Variants in PRICKLE2 observed in about 807,000 individuals in gnomAD.
PRICKLE2 encodes the protein prickle planar cell polarity protein 2, also known as prickle-like protein 2.
A neutral mutation model predicts 81.4 loss-of-function variants in PRICKLE2; 21 were observed. The ratio of observed to expected loss-of-function variants is 0.26; its 90% CI spans 0.18 to 0.37. PRICKLE2 has a LOEUF of 0.37. Ranked by LOEUF, PRICKLE2 falls within the 10% of genes least tolerant of loss-of-function variation. PRICKLE2 has a pLI of 1.00. For missense variants in PRICKLE2, 940 were observed against 1,109.0 expected (o/e 0.85, Z 2.16); for synonymous variants, 456 against 421.5 (o/e 1.08, Z -1.00).
chr3:64,110,771 G>A (rs1285005308), intron 7 of PRICKLE2, among the ~76,000 whole-genome samples: 1 of 151,972 alleles, frequency 6.6e-6, no homozygotes, highest in Non-Finnish European at 1.5e-5. Flanking sequence ...TGAGCAAGGA[G>A]GACAGCAGCA....
chr3:64,252,406 C>T (rs563376728), intron 2 of PRICKLE2, among the ~76,000 whole-genome samples: 2 of 152,308 alleles, frequency 1.3e-5, no homozygotes, highest in East Asian at 3.9e-4. Flanking sequence ...CTCTACATCC[C>T]TTGGGTGAAC....
intron 2 of PRICKLE2, among the ~76,000 whole-genome samples, chr3:64,189,767 T>C (rs2078298716): frequency 6.6e-6 from 1 of 152,190 alleles, no homozygotes; most frequent in African/African-American, 2.4e-5. Flanking sequence ...GACTCACATT[T>C]TGGAAGGTAG....
intron 7 of PRICKLE2, chr3:64,146,520 G>T (rs1372068992): frequency 6.1e-6 from 2 of 327,182 alleles, no homozygotes. Flanking sequence ...GAGGCAGGTG[G>T]ATCACGAGGT....
intron 7 of PRICKLE2, among the ~76,000 whole-genome samples, chr3:64,132,323 CT>C: frequency 6.6e-6 from 1 of 152,302 alleles, no homozygotes; most frequent in South Asian, 2.1e-4. Context: ...CTCTCTTGCT[CT>C]CTGGCTGCTG....
chr3:64,262,028 C>T (rs1338155526), intron 2 of PRICKLE2, among the ~76,000 whole-genome samples: 1 of 152,152 alleles, frequency 6.6e-6, no homozygotes, highest in African/African-American at 2.4e-5. Flanking sequence ...ATATTTTTTA[C>T]AGAGGTGTGA....
intron 2 of PRICKLE2, among the ~76,000 whole-genome samples, chr3:64,236,516 G>A (rs747630933): frequency 2.6e-5 from 4 of 152,192 alleles, no homozygotes; most frequent in Non-Finnish European, 5.9e-5. Context: ...AAAAGAGAAT[G>A]AGGAATGTAA....
intron 7 of PRICKLE2, among the ~76,000 whole-genome samples, chr3:64,109,913 T>C (rs1455965452): frequency 2.6e-5 from 4 of 152,192 alleles, no homozygotes; most frequent in East Asian, 1.9e-4. Flanking sequence ...AACTTGAGTG[T>C]GGATTGGAGG....
At chr3:64,192,162 G>T (rs2078355302) in intron 2 of PRICKLE2, among the ~76,000 whole-genome samples, 1 of 152,166 alleles carries the variant, frequency 6.6e-6, no homozygotes, top group South Asian at 2.1e-4. Context: ...AATGCCAAAG[G>T]CTTTTATCTC....
intron 5 of PRICKLE2, chr3:64,153,660 A>G: frequency 5.2e-6 from 2 of 387,084 alleles, no homozygotes; most frequent in South Asian, 5.4e-5. Context: ...AGGATCAAAA[A>G]CTGACAGCTC....
At chr3:64,117,563 A>G (rs1235451999) in intron 7 of PRICKLE2, among the ~76,000 whole-genome samples, 1 of 152,182 alleles carries the variant, frequency 6.6e-6, no homozygotes, top group African/African-American at 2.4e-5. Context: ...AACAATAGTC[A>G]AGCCAAAAGC....
chr3:64,129,165 T>C (rs112632045), intron 7 of PRICKLE2, among the ~76,000 whole-genome samples: 5 of 151,916 alleles, frequency 3.3e-5, no homozygotes, highest in African/African-American at 9.6e-5. Context: ...TGGTTAAAAA[T>C]ACAAGACTCA....
intron 2 of PRICKLE2, among the ~76,000 whole-genome samples, chr3:64,266,960 A>ACT (rs5849584): frequency 0.91 from 138,143 of 151,192 alleles, 63,332 homozygotes; most frequent in East Asian, 1. Context: ...AAAAAAGTAA[A>ACT]CTGACCCTCT....
intron 2 of PRICKLE2, among the ~76,000 whole-genome samples, chr3:64,239,741 T>C (rs2079234211): frequency 1.3e-5 from 2 of 151,954 alleles, no homozygotes; most frequent in Non-Finnish European, 2.9e-5. Context: ...CTCAGAGAAA[T>C]CAAAATAATT....
chr3:64,222,424 C>T (rs2078969644), intron 1 of PRICKLE2, among the ~76,000 whole-genome samples: 1 of 152,170 alleles, frequency 6.6e-6, no homozygotes, highest in Non-Finnish European at 1.5e-5. Context: ...ATCCCTGTGT[C>T]AGAGTTCTAA....
At chr3:64,217,259 A>G (rs939524481) in intron 1 of PRICKLE2, among the ~76,000 whole-genome samples, 2 of 152,192 alleles carry the variant, frequency 1.3e-5, no homozygotes, top group African/African-American at 4.8e-5. Flanking sequence ...TAATCAGAAT[A>G]AAAGGATGTA....
At chr3:64,185,832 G>T (rs1010181585) in intron 2 of PRICKLE2, among the ~76,000 whole-genome samples, 1 of 152,174 alleles carries the variant, frequency 6.6e-6, no homozygotes, top group African/African-American at 2.4e-5. Flanking sequence ...AATTTGGTAA[G>T]TTCCAACATA....
intron 1 of PRICKLE2, among the ~76,000 whole-genome samples, chr3:64,202,662 G>A (rs1028858491): frequency 6.6e-6 from 1 of 151,878 alleles, no homozygotes; most frequent in African/African-American, 2.4e-5. Flanking sequence ...GTGTGTGTGT[G>A]TGTGTGTGTG....
intron 2 of PRICKLE2, among the ~76,000 whole-genome samples, chr3:64,176,590 C>A (rs184235886): frequency 4.7e-4 from 72 of 152,262 alleles, no homozygotes; most frequent in African/African-American, 1.6e-3. Context: ...ATTCTTTTTG[C>A]AAGAGACTGG....
intron 7 of PRICKLE2, among the ~76,000 whole-genome samples, chr3:64,113,646 GCACCCACC>G (rs1382034594): frequency 2.0e-5 from 3 of 152,066 alleles, no homozygotes; most frequent in African/African-American, 7.2e-5. Context: ...AGTGTAGTCT[GCACCCACC>G]CAGCCCCCAG....
Sources: allele counts gnomAD v4.1 joint callset (sites outside exome capture counted in the v4.1 genomes callset), GRCh38; gene constraint gnomAD v4.1.1; transcripts MANE v1.5; gene names NCBI Gene and HGNC (gene_info 2026-07-23, HGNC 2026-07-21).